The following KALRN variants were observed in gnomAD, a reference collection of about 807,000 sequenced individuals.
KALRN encodes kalirin.
In KALRN, 70 loss-of-function variants were observed where a neutral mutation model predicts 353.7. That is an observed-to-expected ratio of 0.20 (90% CI 0.16 to 0.24). The LOEUF (loss-of-function observed/expected upper bound fraction) is 0.24, where lower values mean the gene tolerates loss of function less well. Among genes scored for constraint, KALRN ranks in the 10% least tolerant of loss-of-function variants. The probability of loss-of-function intolerance (pLI) is 1.00; values close to 1 mark genes in which losing one functional copy is unlikely to be tolerated. For synonymous variants in KALRN, 1,391 were observed against 1,434.8 expected (o/e 0.97, Z 0.69); for missense variants, 2,791 against 3,756.7 (o/e 0.74, Z 6.72).
intron 14 of KALRN, among the ~76,000 whole-genome samples, chr3:124,421,146 CT>C (rs1450216285): frequency 1.3e-5 from 2 of 152,136 alleles, no homozygotes; most frequent in Non-Finnish European, 2.9e-5. Context: ...TTGGACAGAA[CT>C]AAGAAGCTGC....
Position 124,719,449 on chromosome 3 carries a change from C to T in KALRN, c.8940C>T (p.Asn2980=), listed in dbSNP as rs778598503. The T allele has an allele frequency of 5.0e-6, 8 of 1,613,310 alleles. No individual in the cohort carries two copies. Among genetic ancestry groups the T allele is most frequent in the Non-Finnish European group, 6.8e-6 (8 of 1,179,482 alleles). The change falls in exon 60 of 60, where the codon AAC becomes AAT. Residue 2980 remains asparagine (N), a synonymous_variant. Coordinates refer to ENST00000682506, the MANE Select transcript of KALRN (RefSeq NM_001388419.1). This position sits in a 1 kb window ranked among gnomAD's most constrained non-coding sequence, Gnocchi z 5.3. ...PIPNVKSYIV[N]RVNQGT ...CCAATGTCAAGAGCTACATTGTCAA[C>T]CGGGTGAACCAAGGGACGTAGCCAT...
At chr3:124,259,160 G>T (rs1651045620) in intron 3 of KALRN, among the ~76,000 whole-genome samples, 1 of 152,178 alleles carries the variant, frequency 6.6e-6, no homozygotes, top group Non-Finnish European at 1.5e-5. Context: ...TGGGGAGACT[G>T]GGGAGGCGGT....
intron 37 of KALRN, among the ~76,000 whole-genome samples, chr3:124,639,459 G>A (rs2149934907): frequency 1.3e-5 from 2 of 152,292 alleles, no homozygotes; most frequent in South Asian, 4.1e-4. Context: ...GTATAAAAAA[G>A]TCTTTTACAC....
chr3:124,670,765 TC>T (rs1327306156), intron 47 of KALRN, among the ~76,000 whole-genome samples: 7 of 152,216 alleles, frequency 4.6e-5, no homozygotes, highest in Non-Finnish European at 1.0e-4. Context: ...TGCCTGGCTC[TC>T]CCTCTTTAGT....
chr3:124,672,287 A>G (rs1261762993), intron 48 of KALRN, among the ~76,000 whole-genome samples: 1 of 152,220 alleles, frequency 6.6e-6, no homozygotes, highest in East Asian at 1.9e-4. Context: ...TTATTTTAGC[A>G]GGAACAGCAC....
intron 34 of KALRN, among the ~76,000 whole-genome samples, chr3:124,582,043 CAG>C (rs2074681106): frequency 7.3e-6 from 1 of 137,830 alleles, no homozygotes; most frequent in African/African-American, 2.8e-5. Flanking sequence ...TTTTTTGAGA[CAG>C]AGTCTCACTC....
chr3:124,255,084 T>G (rs190098342), intron 3 of KALRN, among the ~76,000 whole-genome samples: 1 of 152,244 alleles, frequency 6.6e-6, no homozygotes, highest in East Asian at 1.9e-4. Flanking sequence ...TAGCTGGGAT[T>G]ACAGTCTCCT....
chr3:124,347,118 G>A, intron 9 of KALRN, 25 bp from the exon 10 acceptor site: 1 of 1,613,668 alleles, frequency 6.2e-7, no homozygotes, highest in South Asian at 1.1e-5. Flanking sequence ...GAAAGTCATT[G>A]TTGCTGTTAT....
In KALRN at chr3:124,070,749, C is replaced by T. The variant is rs190935228; in HGVS notation, c.73+36936C>T. On this transcript the variant is annotated intron_variant, in intron 1 of 59. Coordinates refer to ENST00000682506, the MANE Select transcript of KALRN (RefSeq NM_001388419.1). ...TAAGCTTGGCCTTCCCTTCCTCTGG[C>T]ATTTGCCTTGTGTGTCAATTTCAGT... 2.6e-3 allele frequency among the ~76,000 whole-genome samples: 397 copies of T among 152,300 alleles called. 7 individuals carry two copies. The highest frequency in any genetic ancestry group is 2.2e-4 in the Non-Finnish European group (15 of 68,032).
chr3:124,601,950 TG>T (rs2076849217), intron 34 of KALRN, among the ~76,000 whole-genome samples: 1 of 148,932 alleles, frequency 6.7e-6, no homozygotes, highest in South Asian at 2.1e-4. Flanking sequence ...GGCTTGAGTG[TG>T]GGAGGCAGAG....
chr3:124,630,957 GC>G (rs77226290), intron 34 of KALRN, among the ~76,000 whole-genome samples: 5,469 of 152,034 alleles, frequency 0.036, 118 homozygotes, highest in East Asian at 0.11. Flanking sequence ...TTAGGCCATG[GC>G]CCCCTCCATT....
chr3:124,693,893 C>T, intron 52 of KALRN, 62 bp downstream of exon 52: 2 of 1,209,322 alleles, frequency 1.7e-6, no homozygotes, highest in Non-Finnish European at 2.4e-6. Context: ...ATAGTTAATC[C>T]AGCACTAAAG....
chr3:124,232,666 A>G lies in KALRN; in HGVS notation c.149-2163A>G, dbSNP rs75305246. Among the ~76,000 whole-genome samples the G allele has an allele frequency of 2.5e-3, 375 of 152,068 alleles. 1 individual carries two copies. Among genetic ancestry groups the G allele is most frequent in the African/African-American group, 8.1e-3 (335 of 41,514 alleles). On this transcript the variant is annotated intron_variant, in intron 2 of 59. Transcript: ENST00000682506. ...AGGTCTCTTCCTTTCTGAATACCAC[A>G]TGGCTTGATCCTGCTGCCTCCTCTT...
rs1290506150 is a variant in KALRN, at chr3:124,214,242, A to ACACTTATATATTGTATTTCAC, written c.74-13748_74-13747insCACTTATATATTGTATTTCAC. On this transcript the variant is annotated intron_variant, in intron 1 of 59. Transcript: ENST00000682506. The stretch of plus-strand genomic sequence containing the variant: ...CTATTTTATAATCTTTTTCACACTT[A>ACACTTATATATTGTATTTCAC]ACAATATACCGGAAAATTTCCCAAG... 2.6e-5 allele frequency among the ~76,000 whole-genome samples: 4 copies of ACACTTATATATTGTATTTCAC among 152,136 alleles called. No individual in the cohort carries two copies. The East Asian group carries it at 7.7e-4, about 29-fold the overall frequency.
chr3:124,519,192 T>C, intron 33 of KALRN: 1 of 982,678 alleles, frequency 1.0e-6, no homozygotes, highest in Non-Finnish European at 1.2e-6. Flanking sequence ...CTGTTGAGGG[T>C]GGGTGGGAAG....
intron 1 of KALRN, among the ~76,000 whole-genome samples, chr3:124,041,181 G>T (rs2039933327): frequency 6.6e-6 from 1 of 152,104 alleles, no homozygotes; most frequent in Non-Finnish European, 1.5e-5. Flanking sequence ...GTCTATGAAG[G>T]AGGCTGAGAA....
rs184074076 is a variant in KALRN at position 124,156,282 on chromosome 3, T to A, written c.74-71708T>A. 1.4e-4 allele frequency among the ~76,000 whole-genome samples: 21 copies of A among 152,352 alleles called. No individual in the cohort carries two copies. In the East Asian group the frequency reaches 4.0e-3, roughly 29 times the overall value. On this transcript the variant is annotated intron_variant, in intron 1 of 59. Coordinates refer to ENST00000682506, the MANE Select transcript of KALRN (RefSeq NM_001388419.1). ...AACATTGTTCAGCAAACAAACCTCA[T>A]TGGAGCAACAGCTTCTTTTGTAAGT...
intron 1 of KALRN, among the ~76,000 whole-genome samples, chr3:124,126,813 A>G (rs2064732586): frequency 6.6e-6 from 1 of 152,196 alleles, no homozygotes; most frequent in Non-Finnish European, 1.5e-5. Flanking sequence ...TCACATGGCA[A>G]ATGGCCAAGA....
At chr3:124,639,569 T>A (rs2149936793) in intron 37 of KALRN, among the ~76,000 whole-genome samples, 1 of 152,288 alleles carries the variant, frequency 6.6e-6, no homozygotes, top group African/African-American at 2.4e-5. Flanking sequence ...CTGCTGACAG[T>A]CTCCAGACCA....
Sources: allele counts gnomAD v4.1 joint callset (sites outside exome capture counted in the v4.1 genomes callset), GRCh38; gene constraint gnomAD v4.1.1; non-coding constraint Gnocchi (gnomAD v3.1); transcripts MANE v1.5; gene names NCBI Gene and HGNC (gene_info 2026-07-23, HGNC 2026-07-21).